The following KIAA1328 variants were observed in gnomAD, a reference collection of about 807,000 sequenced individuals.
The protein encoded by KIAA1328 is KIAA1328.
A neutral mutation model predicts 68.1 loss-of-function variants in KIAA1328; 52 were observed. The ratio of observed to expected loss-of-function variants is 0.76; its 90% CI spans 0.61 to 0.96. KIAA1328 has a LOEUF of 0.96. KIAA1328 is among the 40% of genes least tolerant of loss of function. The pLI, the probability that KIAA1328 is intolerant of heterozygous loss-of-function variation, is 0.00. For synonymous variants in KIAA1328, 232 were observed against 239.4 expected (o/e 0.97, Z 0.28); for missense variants, 641 against 677.6 (o/e 0.95, Z 0.60).
At chr18:36,989,616 G>A (rs1418339368) in intron 6 of KIAA1328, among the ~76,000 whole-genome samples, 1 of 152,190 alleles carries the variant, frequency 6.6e-6, no homozygotes, top group Non-Finnish European at 1.5e-5. Context: ...GAAATTTTTA[G>A]TCGTGTGCCC....
chr18:36,961,097 T>A (rs541177069), intron 6 of KIAA1328, among the ~76,000 whole-genome samples: 2 of 152,086 alleles, frequency 1.3e-5, no homozygotes, highest in Non-Finnish European at 2.9e-5. Flanking sequence ...CTAACTAGAA[T>A]AAACACGGTA....
At chr18:37,044,529 G>C (rs922399660) in intron 6 of KIAA1328, among the ~76,000 whole-genome samples, 1 of 152,152 alleles carries the variant, frequency 6.6e-6, no homozygotes, top group Non-Finnish European at 1.5e-5. Context: ...CAGACATGGT[G>C]GCTCATGCCT....
At chr18:37,148,003 G>A (rs1473691967) in intron 7 of KIAA1328, among the ~76,000 whole-genome samples, 2 of 151,828 alleles carry the variant, frequency 1.3e-5, no homozygotes, top group Non-Finnish European at 2.9e-5. Flanking sequence ...TTAAGTTCTA[G>A]GGTAGATGTG....
chr18:36,835,391 C>A lies in KIAA1328; in HGVS notation c.237+15C>A. ...TAGATGAACAGGTTAGTATTTTTTT[C>A]GTCTTTTTTTTTCCTTGCTCTCCAG... On this transcript the variant is annotated intron_variant, in intron 3 of 9. Transcript: ENST00000280020. 6.3e-7 allele frequency: 1 copy of A among 1,599,980 alleles called. No homozygotes were observed. The highest frequency in any genetic ancestry group is 8.5e-7 in the Non-Finnish European group (1 of 1,174,592).
chr18:37,150,372 C>T (rs796978918), intron 7 of KIAA1328, among the ~76,000 whole-genome samples: 7 of 152,242 alleles, frequency 4.6e-5, no homozygotes, highest in African/African-American at 1.7e-4. Flanking sequence ...TTGTGACAAT[C>T]AAAAACCTCT....
chr18:37,085,271 G>A (rs990277051), intron 7 of KIAA1328, among the ~76,000 whole-genome samples: 14 of 152,134 alleles, frequency 9.2e-5, no homozygotes, highest in Admixed American at 6.5e-4. Flanking sequence ...TGATGTTAGC[G>A]TCTGAGGCAA....
At chr18:37,184,541 C>A (rs1476832786) in intron 9 of KIAA1328, among the ~76,000 whole-genome samples, 1 of 152,160 alleles carries the variant, frequency 6.6e-6, no homozygotes, top group East Asian at 1.9e-4. Context: ...AAGTTAAAAT[C>A]ATTGCATGTT....
chr18:36,849,633 A>G (rs2047146931), intron 4 of KIAA1328, among the ~76,000 whole-genome samples: 2 of 152,056 alleles, frequency 1.3e-5, no homozygotes, highest in South Asian at 4.1e-4. Context: ...TTTGATGGAC[A>G]TTTGGGTTGT....
chr18:37,157,161 G>A (rs2154210733), intron 7 of KIAA1328, among the ~76,000 whole-genome samples: 2 of 152,230 alleles, frequency 1.3e-5, no homozygotes, highest in East Asian at 3.9e-4. Flanking sequence ...TTAAAAACAA[G>A]TTCTAGTCGG....
chr18:36,994,755 T>G (rs181075629), intron 6 of KIAA1328, among the ~76,000 whole-genome samples: 148 of 152,282 alleles, frequency 9.7e-4, no homozygotes, highest in African/African-American at 3.5e-3. Flanking sequence ...GCTTACCTCT[T>G]TCTAAAGCAT....
intron 7 of KIAA1328, among the ~76,000 whole-genome samples, chr18:37,128,127 A>T (rs1427708418): frequency 6.6e-6 from 1 of 152,214 alleles, no homozygotes; most frequent in Non-Finnish European, 1.5e-5. Flanking sequence ...AAATATTTTT[A>T]AAAATCTTTG....
chr18:37,052,735 G>A (rs2055749669), intron 6 of KIAA1328, among the ~76,000 whole-genome samples: 1 of 152,006 alleles, frequency 6.6e-6, no homozygotes, highest in Non-Finnish European at 1.5e-5. Context: ...AGAACTCAAT[G>A]CCATTTACAA....
chr18:36,961,758 C>T (rs1405244858), intron 6 of KIAA1328, among the ~76,000 whole-genome samples: 1 of 152,142 alleles, frequency 6.6e-6, no homozygotes, highest in Non-Finnish European at 1.5e-5. Flanking sequence ...CACAGACAAG[C>T]AAATGCTGAG....
intron 7 of KIAA1328, among the ~76,000 whole-genome samples, chr18:37,111,709 A>G (rs323331): frequency 0.78 from 117,983 of 152,058 alleles, 46,462 homozygotes; most frequent in African/African-American, 0.91. Context: ...AGTATGAGCC[A>G]AAGCAGGGTG....
chr18:36,994,186 A>C (rs996337746), intron 6 of KIAA1328, among the ~76,000 whole-genome samples: 9 of 152,202 alleles, frequency 5.9e-5, no homozygotes, highest in Non-Finnish European at 1.0e-4. Flanking sequence ...ACTTTCATTC[A>C]TTCAAGAAAC....
chr18:36,876,576 T>C (rs940190079), intron 4 of KIAA1328, among the ~76,000 whole-genome samples: 1 of 152,190 alleles, frequency 6.6e-6, no homozygotes, highest in Non-Finnish European at 1.5e-5. Flanking sequence ...TTCTTCTTTA[T>C]TAGTCTGGCT....
At chr18:36,904,556 A>G (rs2049150738) in intron 5 of KIAA1328, among the ~76,000 whole-genome samples, 1 of 152,132 alleles carries the variant, frequency 6.6e-6, no homozygotes, top group Non-Finnish European at 1.5e-5. Flanking sequence ...GCTTCTGATC[A>G]GTGTTATTAT....
Position 37,015,295 on chromosome 18 carries a change from A to T in KIAA1328, c.577-51595A>T, listed in dbSNP as rs1003379318. Among the ~76,000 whole-genome samples, 48 of 152,304 alleles carry T rather than the reference A, an allele frequency of 3.2e-4. 1 individual carries two copies. Among genetic ancestry groups the T allele is most frequent in the African/African-American group, 1.1e-3 (47 of 41,570 alleles). On this transcript the variant is annotated intron_variant, in intron 6 of 9. Transcript: ENST00000280020. ...GCTTGTTTTTGTCAGTTTGTCAAAGATCAGATGGCTCTTGTTGTGTGGACT... is the reference window on the plus strand; with the variant it reads ...GCTTGTTTTTGTCAGTTTGTCAAAGTTCAGATGGCTCTTGTTGTGTGGACT...
At chr18:36,857,306 G>C (rs1239240514) in intron 4 of KIAA1328, among the ~76,000 whole-genome samples, 1 of 152,096 alleles carries the variant, frequency 6.6e-6, no homozygotes, top group African/African-American at 2.4e-5. Context: ...TGTCCCACCT[G>C]CTGTCTCTTT....
Sources: gnomAD v4.1 joint callset for allele counts (sites outside exome capture counted in the v4.1 genomes callset) on GRCh38, gnomAD v4.1.1 for gene constraint, MANE v1.5 for transcripts, NCBI Gene and HGNC (gene_info 2026-07-23, HGNC 2026-07-21) for gene names.